LRP1B: variants seen among roughly 807,000 people sequenced by gnomAD.
LRP1B encodes low-density lipoprotein receptor-related protein 1B.
A neutral mutation model predicts 556.6 loss-of-function variants in LRP1B; 217 were observed. The ratio of observed to expected loss-of-function variants is 0.39; its 90% CI spans 0.35 to 0.44. LRP1B has a LOEUF of 0.44. Ranked by LOEUF, LRP1B falls within the 20% of genes least tolerant of loss-of-function variation. The probability of loss-of-function intolerance (pLI) is 1.00; values close to 1 mark genes in which losing one functional copy is unlikely to be tolerated. For synonymous variants in LRP1B, 2,047 were observed against 1,865.8 expected, an observed-to-expected ratio of 1.10 and a Z score of -2.50; for missense variants, 5,053 against 5,620.8, an observed-to-expected ratio of 0.90 and a Z score of 3.23.
intron 2 of LRP1B, among the ~76,000 whole-genome samples, chr2:141,683,311 T>G (rs1046118776): frequency 1.3e-5 from 2 of 152,130 alleles, no homozygotes; most frequent in African/African-American, 4.8e-5. Flanking sequence ...AGGCACTGCT[T>G]GAGAGGGCTT....
chr2:140,299,196 T>A (rs1331335077), intron 83 of LRP1B, among the ~76,000 whole-genome samples: 2 of 152,110 alleles, frequency 1.3e-5, no homozygotes, highest in Non-Finnish European at 2.9e-5. Context: ...CTATAGATTC[T>A]ACATTGAAGA....
At chr2:141,236,993 T>G (rs1683669360) in intron 5 of LRP1B, among the ~76,000 whole-genome samples, 1 of 152,200 alleles carries the variant, frequency 6.6e-6, no homozygotes, top group Non-Finnish European at 1.5e-5. Context: ...GAAAAACTTG[T>G]GGACACAGGT....
At chr2:140,570,111 T>C (rs116133862) in intron 43 of LRP1B, among the ~76,000 whole-genome samples, 137 of 151,740 alleles carry the variant, frequency 9.0e-4, no homozygotes, top group African/African-American at 2.9e-3. Context: ...AGCCTAATAA[T>C]GCACCCTAAG....
At chr2:141,441,844 T>C (rs997459125) in intron 3 of LRP1B, among the ~76,000 whole-genome samples, 1 of 152,188 alleles carries the variant, frequency 6.6e-6, no homozygotes, top group South Asian at 2.1e-4. Context: ...GTAACAACAG[T>C]GTGTTGACCA....
chr2:140,548,474 C>T (rs1344133141), intron 43 of LRP1B, among the ~76,000 whole-genome samples: 1 of 152,094 alleles, frequency 6.6e-6, no homozygotes, highest in East Asian at 1.9e-4. Flanking sequence ...TATCCCAACC[C>T]CCTCCTTTTG....
At chr2:140,381,691 C>T (rs1397540760) in intron 67 of LRP1B, among the ~76,000 whole-genome samples, 1 of 151,284 alleles carries the variant, frequency 6.6e-6, no homozygotes, top group Non-Finnish European at 1.5e-5. Context: ...GGTGAAAACC[C>T]CCTGCACAAA....
At chr2:141,542,392 A>G (rs114764824) in intron 2 of LRP1B, among the ~76,000 whole-genome samples, 4,716 of 152,138 alleles carry the variant, frequency 0.031, 263 homozygotes, top group African/African-American at 0.1. Flanking sequence ...TATTAAAGAT[A>G]TCTATTCAAA....
intron 22 of LRP1B, among the ~76,000 whole-genome samples, chr2:140,906,748 C>T (rs1694264867): frequency 6.6e-6 from 1 of 152,020 alleles, no homozygotes; most frequent in Non-Finnish European, 1.5e-5. Context: ...CACCAACCTA[C>T]TCCACTACAA....
At chr2:140,397,880 T>C (rs896897776) in intron 66 of LRP1B, among the ~76,000 whole-genome samples, 4 of 152,182 alleles carry the variant, frequency 2.6e-5, no homozygotes, top group African/African-American at 4.8e-5. Context: ...TGATAATATT[T>C]ATATATTTAT....
intron 15 of LRP1B, among the ~76,000 whole-genome samples, chr2:141,005,011 T>G (rs2105372997): frequency 6.6e-6 from 1 of 152,142 alleles, no homozygotes; most frequent in African/African-American, 2.4e-5. Flanking sequence ...GTGCGTCAAC[T>G]TACCATCTAT....
rs1455315837 is a variant in LRP1B at position 140,526,730 on chromosome 2, TTC to T, written c.7763-382_7763-381del. 1.4e-4 allele frequency among the ~76,000 whole-genome samples: 21 copies of T among 145,984 alleles called. No homozygotes were observed. The South Asian group carries it at 4.5e-3, about 31-fold the overall frequency. Reference sequence around the variant, plus strand: ...AAAAAAAAAAGAATGTTGCTGGAAATTCTCTCTCTTTCCACCTTCAACATTCC... The same window carrying T: ...AAAAAAAAAAGAATGTTGCTGGAAATTCTCTCTTTCCACCTTCAACATTCC... On this transcript the variant is annotated intron_variant, in intron 47 of 90. Coordinates refer to ENST00000389484, the MANE Select transcript of LRP1B (RefSeq NM_018557.3).
At chr2:140,802,908 A>G (rs1690564904) in intron 32 of LRP1B, among the ~76,000 whole-genome samples, 1 of 152,142 alleles carries the variant, frequency 6.6e-6, no homozygotes, top group African/African-American at 2.4e-5. Flanking sequence ...TTCTTAGTTA[A>G]GTAGATTCAA....
Position 140,503,116 on chromosome 2 carries a change from A to C in LRP1B, c.8522-13T>G. 6.2e-7 allele frequency: 1 copy of C among 1,611,848 alleles called. No homozygotes were observed. Among genetic ancestry groups the C allele is most frequent in the African/African-American group, 1.3e-5 (1 of 74,982 alleles). On this transcript the variant is annotated splice_polypyrimidine_tract_variant and intron_variant, in intron 53 of 90. Transcript: ENST00000389484. Reference sequence around the variant, plus strand: ...CACTGTCGATATCCTAGAGACGCAGAAAAAACATTTGACTAATTCACATAA... The same window carrying C: ...CACTGTCGATATCCTAGAGACGCAGCAAAAACATTTGACTAATTCACATAA...
intron 3 of LRP1B, among the ~76,000 whole-genome samples, chr2:141,265,934 C>A (rs1305477120): frequency 6.6e-6 from 1 of 152,186 alleles, no homozygotes; most frequent in Non-Finnish European, 1.5e-5. Flanking sequence ...CTACGTCCTA[C>A]CTCTCCTTTA....
intron 41 of LRP1B, among the ~76,000 whole-genome samples, chr2:140,636,669 C>T (rs1293842623): frequency 6.6e-6 from 1 of 151,876 alleles, no homozygotes; most frequent in Non-Finnish European, 1.5e-5. Flanking sequence ...ATAAAATATT[C>T]CAAAGAGAGT....
chr2:141,489,211 C>T (rs1683242845), intron 2 of LRP1B, among the ~76,000 whole-genome samples: 1 of 146,716 alleles, frequency 6.8e-6, no homozygotes, highest in Non-Finnish European at 1.5e-5. Flanking sequence ...TGGTCTCAAA[C>T]TCTGGAGCTC....
chr2:140,489,729 G>A (rs1456014000), intron 57 of LRP1B, among the ~76,000 whole-genome samples: 3 of 151,960 alleles, frequency 2.0e-5, no homozygotes, highest in Non-Finnish European at 4.4e-5. Context: ...TGGCAATTCA[G>A]GTGGCTAAAT....
At chr2:140,633,711 G>A (rs527979062) in intron 41 of LRP1B, among the ~76,000 whole-genome samples, 17 of 152,140 alleles carry the variant, frequency 1.1e-4, no homozygotes, top group African/African-American at 4.1e-4. Flanking sequence ...CATAAATTTT[G>A]ATAACTAAGT....
At chr2:141,392,460 T>TAAAAA (rs10636398) in intron 3 of LRP1B, among the ~76,000 whole-genome samples, 19 of 96,046 alleles carry the variant, frequency 2.0e-4, no homozygotes, top group East Asian at 1.0e-3. Context: ...TGTCCTCTCT[T>TAAAAA]AAAAAAAAAA....
Sources: allele counts gnomAD v4.1 joint callset (sites outside exome capture counted in the v4.1 genomes callset), GRCh38; gene constraint gnomAD v4.1.1; transcripts MANE v1.5; gene names NCBI Gene and HGNC (gene_info 2026-07-23, HGNC 2026-07-21).